KAZN: variants seen among roughly 807,000 people sequenced by gnomAD.
KAZN encodes the protein kazrin.
In KAZN, 40 loss-of-function variants were observed where a neutral mutation model predicts 87.4. The observed-to-expected ratio is 0.46, with a 90% CI of 0.36 to 0.60. The LOEUF (loss-of-function observed/expected upper bound fraction) is 0.60. KAZN is among the 20% of genes least tolerant of loss of function. KAZN has a pLI of 0.00. For synonymous variants in KAZN, 466 were observed against 458.3 expected (o/e 1.02, Z -0.22); for missense variants, 898 against 1,073.9 (o/e 0.84, Z 2.29).
At chr1:15,035,605 T>TG (rs1362188635) in intron 3 of KAZN, among the ~76,000 whole-genome samples, 1 of 152,206 alleles carries the variant, frequency 6.6e-6, no homozygotes, top group Non-Finnish European at 1.5e-5. Flanking sequence ...CCTAGCACTT[T>TG]GGGAGACCCA....
chr1:14,389,011 A>AG (rs1662193807), intron 2 of KAZN, among the ~76,000 whole-genome samples: 2 of 152,242 alleles, frequency 1.3e-5, no homozygotes, highest in African/African-American at 4.8e-5. Flanking sequence ...GGAAAAAAAA[A>AG]TCTAATAATT....
chr1:14,306,574 G>C (rs868089550), intron 2 of KAZN, among the ~76,000 whole-genome samples: 23 of 152,174 alleles, frequency 1.5e-4, no homozygotes, highest in Admixed American at 1.5e-3. Flanking sequence ...CCCAGTCCTT[G>C]CTGTGAAAGT....
Position 14,382,877 on chromosome 1 carries a change from C to G in KAZN, c.249+202285C>G, listed in dbSNP as rs555761464. On this transcript the variant is annotated intron_variant, in intron 2 of 16. Transcript: ENST00000636203. ...TCAAATGGTGTTTCTAGTTCTAGAT[C>G]CCTGAGAAATCGCCACACTGACTTC... Among the ~76,000 whole-genome samples the G allele has an allele frequency of 7.4e-4, 113 of 152,052 alleles. 1 individual carries two copies. The highest frequency in any genetic ancestry group is 5.8e-3 in the Admixed American group (88 of 15,284).
intron 2 of KAZN, among the ~76,000 whole-genome samples, chr1:14,416,740 G>T (rs10927429): frequency 0.032 from 4,687 of 148,458 alleles, 241 homozygotes; most frequent in African/African-American, 0.11. Flanking sequence ...CTGTCTCAAA[G>T]AAAAAAAAAT....
chr1:14,505,538 G>T (rs778642037), intron 2 of KAZN, among the ~76,000 whole-genome samples: 2 of 152,280 alleles, frequency 1.3e-5, no homozygotes, highest in African/African-American at 4.8e-5. Flanking sequence ...AATACTCCAT[G>T]ATTCCACTTA....
At chr1:14,391,656 C>T (rs1662434153) in intron 2 of KAZN, 1 of 152,214 alleles carries the variant, frequency 6.6e-6, no homozygotes, top group Non-Finnish European at 1.5e-5. Context: ...ACAGTTAACA[C>T]TGGTACCAAC....
intron 2 of KAZN, among the ~76,000 whole-genome samples, chr1:14,350,313 C>T (rs965804186): frequency 6.6e-6 from 1 of 152,094 alleles, no homozygotes; most frequent in Non-Finnish European, 1.5e-5. Flanking sequence ...TGTTTAAATT[C>T]TCTGAGTTTT....
chr1:14,372,743 C>T (rs1660595500), intron 2 of KAZN, among the ~76,000 whole-genome samples: 1 of 152,172 alleles, frequency 6.6e-6, no homozygotes, highest in South Asian at 2.1e-4. Context: ...TTGTTGATTA[C>T]AAGTGGCAAA....
At chr1:15,049,006 G>A (rs149312948) in intron 4 of KAZN, among the ~76,000 whole-genome samples, 3 of 151,362 alleles carry the variant, frequency 2.0e-5, no homozygotes, top group Admixed American at 6.6e-5. Context: ...GAAGCACCCC[G>A]TCTTCATGCG....
intron 1 of KAZN, among the ~76,000 whole-genome samples, chr1:13,927,098 G>A (rs1640308945): frequency 6.6e-6 from 1 of 152,180 alleles, no homozygotes; most frequent in Non-Finnish European, 1.5e-5. Flanking sequence ...TCATCAAGCA[G>A]GATTCTTGTT....
At chr1:14,828,134 C>T (rs12134149) in intron 1 of KAZN, among the ~76,000 whole-genome samples, 34,685 of 152,196 alleles carry the variant, frequency 0.23, 4,081 homozygotes, top group Middle Eastern at 0.36. Context: ...CACAATCAAT[C>T]GACAAATGCT....
At chr1:14,455,174 G>A (rs962468165) in intron 2 of KAZN, among the ~76,000 whole-genome samples, 2 of 152,170 alleles carry the variant, frequency 1.3e-5, no homozygotes, top group Non-Finnish European at 1.5e-5. Flanking sequence ...GAGTGAATCT[G>A]ATTCATACTT....
chr1:14,108,217 A>C (rs1644422222), intron 1 of KAZN, among the ~76,000 whole-genome samples: 1 of 151,778 alleles, frequency 6.6e-6, no homozygotes, highest in Non-Finnish European at 1.5e-5. Context: ...TCTTTGCTTG[A>C]AAGTCATATT....
In KAZN at chr1:15,035,008, T is replaced by A; in HGVS notation, c.555+123T>A. On this transcript the variant is annotated intron_variant, in intron 3 of 14. Transcript: ENST00000376030. ...CAAACACAGATAGGGAGGCCCTTGA[T>A]GTGTCCAGCCAGGCCTAGGCACCGA... 5.7e-6 allele frequency: 7 copies of A among 1,237,096 alleles called. No homozygotes were observed. In the South Asian group the frequency reaches 7.0e-5, roughly 12 times the overall value. The allele number at this position is 1,237,096 out of a possible 1,614,324, so 76.6% of individuals were successfully genotyped here.
intron 1 of KAZN, among the ~76,000 whole-genome samples, chr1:14,697,140 CAAAAA>C (rs1172632955): frequency 1.5e-5 from 1 of 67,786 alleles, no homozygotes; most frequent in African/African-American, 4.9e-5. Context: ...AACAAACCAA[CAAAAA>C]AAAAAAAAAA....
At chr1:15,019,856 T>C (rs979500483) in intron 2 of KAZN, among the ~76,000 whole-genome samples, 22 of 152,202 alleles carry the variant, frequency 1.4e-4, no homozygotes, top group African/African-American at 4.8e-4. Context: ...TCATCGGTTA[T>C]CATTGCTGTT....
At chr1:14,709,390 A>C (rs1201303827) in intron 1 of KAZN, among the ~76,000 whole-genome samples, 3 of 152,172 alleles carry the variant, frequency 2.0e-5, no homozygotes, top group Non-Finnish European at 4.4e-5. Context: ...GCCTCCACAA[A>C]TGTTGAACTC....
intron 1 of KAZN, among the ~76,000 whole-genome samples, chr1:14,640,341 C>A (rs980385760): frequency 6.6e-6 from 1 of 152,042 alleles, no homozygotes; most frequent in African/African-American, 2.4e-5. Context: ...ATGGAGGAGG[C>A]AAGAAGTTGA....
At chr1:14,478,739 C>T (rs914530042) in intron 2 of KAZN, among the ~76,000 whole-genome samples, 4 of 152,232 alleles carry the variant, frequency 2.6e-5, no homozygotes, top group Admixed American at 6.5e-5. Flanking sequence ...CACACAGACC[C>T]GTGCCCCATC....
Sources: gnomAD v4.1 joint callset for allele counts (sites outside exome capture counted in the v4.1 genomes callset) on GRCh38, gnomAD v4.1.1 for gene constraint, MANE v1.5 for transcripts, NCBI Gene and HGNC (gene_info 2026-07-23, HGNC 2026-07-21) for gene names.